C17orf107: variants seen among roughly 807,000 people sequenced by gnomAD.
The protein encoded by C17orf107 is uncharacterized protein C17orf107.
In C17orf107, 9 loss-of-function variants were observed where a neutral mutation model predicts 8.9. That is an observed-to-expected ratio of 1.02 (90% CI 0.61 to 1.77). The LOEUF (loss-of-function observed/expected upper bound fraction) is 1.77. C17orf107 is among the 40% of genes most tolerant of loss of function. C17orf107 has a pLI of 0.00. For synonymous variants in C17orf107, 139 were observed against 120.3 expected, an observed-to-expected ratio of 1.16 and a Z score of -1.02; for missense variants, 281 against 249.0, an observed-to-expected ratio of 1.13 and a Z score of -0.86.
rs764025374 is a variant in C17orf107, at chr17:4,900,433, G to A, written c.473G>A (p.Arg158Gln). ...GGAGCATGGCTATGCCTGTGTGGAC[G>A]GGGTCTGCAGGGGTCTGCCTCATTC... is the stretch of plus-strand genomic sequence containing the variant. ...VQGAWLCLCGRGLQGSASFLR... is the reference protein window; with the variant it reads ...VQGAWLCLCGQGLQGSASFLR... Residue 158 changes from arginine (R) to glutamine (Q), a missense_variant, in exon 3 of 3, where the codon CGG (arginine) becomes CAG (glutamine). By Grantham distance (43) the Arg-to-Gln change is conservative. Coordinates refer to ENST00000381365, the MANE Select transcript of C17orf107 (RefSeq NM_001145536.2). The A allele has an allele frequency of 5.7e-5, 88 of 1,550,762 alleles. No individual in the cohort carries two copies. The highest frequency in any genetic ancestry group is 7.2e-5 in the Non-Finnish European group (83 of 1,146,872).
chr17:4,902,880 T>C lies in C17orf107; in HGVS notation c.*2347T>C. 6.3e-7 allele frequency: 1 copy of C among 1,581,870 alleles called. No individual in the cohort carries two copies. The highest frequency in any genetic ancestry group is 2.2e-5 in the East Asian group (1 of 44,702). ...TGAGGCTGTGTACTATCAGTATCTG[T>C]CTCCTAAACCAATTATGCTGTGCCT... On this transcript the variant is annotated 3_prime_UTR_variant, in exon 3 of 3. Coordinates refer to ENST00000381365, the MANE Select transcript of C17orf107 (RefSeq NM_001145536.2). This position sits in a 1 kb window ranked among gnomAD's most constrained non-coding sequence, Gnocchi z 4.0.
rs2151098767 is a variant in C17orf107, at chr17:4,902,504, G to A, written c.*1971G>A. ...TCTCCTCTTTTTCATTCTGCAGATGGGAGATGGGGATGATTGAAGTGAGAT... is the reference window on the plus strand; with the variant it reads ...TCTCCTCTTTTTCATTCTGCAGATGAGAGATGGGGATGATTGAAGTGAGAT... On this transcript the variant is annotated 3_prime_UTR_variant, in exon 3 of 3. Transcript: ENST00000381365. The surrounding 1 kb of genome is among the most constrained non-coding windows in gnomAD (Gnocchi z 4.0). The A allele has an allele frequency of 6.2e-7, 1 of 1,614,162 alleles. No individual in the cohort carries two copies. Among genetic ancestry groups the A allele is most frequent in the East Asian group, 2.2e-5 (1 of 44,882 alleles).
downstream of C17orf107, among the ~76,000 whole-genome samples, chr17:4,906,083 T>C (rs1970089719): frequency 6.6e-6 from 1 of 152,220 alleles, no homozygotes; most frequent in South Asian, 2.1e-4. Context: ...TCTCGTCACC[T>C]GTGCATCATT....
Position 4,901,884 on chromosome 17 carries a change from G to A in C17orf107, c.*1351G>A. 6.6e-7 allele frequency: 1 copy of A among 1,526,280 alleles called. No individual in the cohort carries two copies. Among genetic ancestry groups the A allele is most frequent in the Non-Finnish European group, 9.0e-7 (1 of 1,111,216 alleles). 94.5% of individuals were successfully genotyped at this position (1,526,280 alleles called of 1,614,324 possible). On this transcript the variant is annotated 3_prime_UTR_variant, in exon 3 of 3. Coordinates refer to ENST00000381365, the MANE Select transcript of C17orf107 (RefSeq NM_001145536.2). ...TTCCCGGTTGGCCCCGCCCCATAAG[G>A]CCCCCCCCCAACAATAATCGTCCGG...
Position 4,901,527 on chromosome 17 carries a change from G to A in C17orf107, c.*994G>A. ...TTCTGAGCAGGCAGGGGCTTCACCAGTATAGGCCTCTGTGTCGATGTCGAT... is the reference window on the plus strand; with the variant it reads ...TTCTGAGCAGGCAGGGGCTTCACCAATATAGGCCTCTGTGTCGATGTCGAT... On this transcript the variant is annotated 3_prime_UTR_variant, in exon 3 of 3. Coordinates refer to ENST00000381365, the MANE Select transcript of C17orf107 (RefSeq NM_001145536.2). 2 of 1,614,032 alleles carry A rather than the reference G, an allele frequency of 1.2e-6. No individual in the cohort carries two copies. The highest frequency in any genetic ancestry group is 1.3e-5 in the African/African-American group (1 of 75,040).
At chr17:4,900,212 G>A (rs946782500) in intron 2 of C17orf107, 25 bp from the exon 3 acceptor site, 17 of 1,544,292 alleles carry the variant, frequency 1.1e-5, no homozygotes, top group South Asian at 3.6e-5. Flanking sequence ...CTGCCTCCCC[G>A]CTAACCCCTG....
At chr17:4,903,831 C>T (rs566564024), downstream of C17orf107, among the ~76,000 whole-genome samples, 2 of 152,264 alleles carry the variant, frequency 1.3e-5, no homozygotes, top group African/African-American at 4.8e-5. Context: ...CCTGATGACA[C>T]CTTAATAGAT....
chr17:4,900,186 G>A (rs1567637767), intron 2 of C17orf107, 41 bp downstream of exon 2: 1 of 1,544,212 alleles, frequency 6.5e-7, no homozygotes, highest in Non-Finnish European at 8.7e-7. Context: ...CGATCGGGTA[G>A]CGGGAACAAG....
chr17:4,899,656 A>T lies in C17orf107; in HGVS notation c.-107A>T, dbSNP rs1170393911. ...GAAGGCGCCGCGCGCTGACCTCACA[A>T]ACACGGCTTCTCCTGGTACGGGCTG... On this transcript the variant is annotated 5_prime_UTR_variant, in exon 1 of 3. Transcript: ENST00000381365. 8 of 1,450,190 alleles carry T rather than the reference A, an allele frequency of 5.5e-6. No individual in the cohort carries two copies. In the Admixed American group the frequency reaches 1.4e-4, roughly 25 times the overall value. 89.8% of individuals were successfully genotyped at this position (1,450,190 alleles called of 1,614,324 possible).
Position 4,901,694 on chromosome 17 carries a change from G to GGAAGCTGGGAT in C17orf107, c.*1162_*1172dup, listed in dbSNP as rs893131841. The stretch of plus-strand genomic sequence containing the variant: ...GGGCCCCGGCCTCAGGCCCAGCCCT[G>GGAAGCTGGGAT]GAAGCTGGGATCTAGCGGGGCCGCG... On this transcript the variant is annotated 3_prime_UTR_variant, in exon 3 of 3. Coordinates refer to ENST00000381365, the MANE Select transcript of C17orf107 (RefSeq NM_001145536.2). The GGAAGCTGGGAT allele has an allele frequency of 3.6e-5, 53 of 1,478,518 alleles. No individual in the cohort carries two copies. Among genetic ancestry groups the GGAAGCTGGGAT allele is most frequent in the Non-Finnish European group, 4.4e-5 (47 of 1,062,934 alleles). The allele number at this position is 1,478,518 out of a possible 1,614,324, so 91.6% of individuals were successfully genotyped here. A position where few individuals can be genotyped will look rare whatever the true frequency, so the allele number is the denominator to read the frequency against.
downstream of C17orf107, among the ~76,000 whole-genome samples, chr17:4,904,005 A>C (rs1311419450): frequency 2.0e-5 from 3 of 151,952 alleles, no homozygotes; most frequent in Non-Finnish European, 2.9e-5. Context: ...CTACAGGCGC[A>C]TGCCACCATG....
downstream of C17orf107, among the ~76,000 whole-genome samples, chr17:4,906,023 C>T (rs1490129774): frequency 6.6e-6 from 1 of 152,216 alleles, no homozygotes; most frequent in Non-Finnish European, 1.5e-5. Flanking sequence ...GTCAGCACTG[C>T]CCATTCCCCC....
In C17orf107 at chr17:4,901,754, G is replaced by A. The variant is rs1969993531; in HGVS notation, c.*1221G>A. On this transcript the variant is annotated 3_prime_UTR_variant, in exon 3 of 3. Transcript: ENST00000381365. ...CCACCCCTTCACCCAAGCCCAGCCC[G>A]CACGCCTCTGTTCCCATCTGTACCT... 4.9e-6 allele frequency: 6 copies of A among 1,233,012 alleles called. No individual in the cohort carries two copies. Among genetic ancestry groups the A allele is most frequent in the Middle Eastern group, 2.7e-4 (1 of 3,722 alleles). 76.4% of individuals were successfully genotyped at this position (1,233,012 alleles called of 1,614,324 possible).
rs748603509 is a variant in C17orf107, at chr17:4,902,424, C to T, written c.*1891C>T. 1.2e-6 allele frequency: 2 copies of T among 1,614,204 alleles called. No homozygotes were observed. The highest frequency in any genetic ancestry group is 2.2e-5 in the South Asian group (2 of 91,088). The stretch of plus-strand genomic sequence containing the variant: ...AAAAGGGGTGCCCTGGACAAGACCT[C>T]ACACCATTCCCCAGATTTGACTCAC... On this transcript the variant is annotated 3_prime_UTR_variant, in exon 3 of 3. Transcript: ENST00000381365. The surrounding 1 kb of genome is among the most constrained non-coding windows in gnomAD (Gnocchi z 4.0).
Position 4,901,197 on chromosome 17 carries a change from G to A in C17orf107, c.*664G>A, listed in dbSNP as rs1298446963. 6 of 1,600,684 alleles carry A rather than the reference G, an allele frequency of 3.7e-6. No individual in the cohort carries two copies. Among genetic ancestry groups the A allele is most frequent in the Non-Finnish European group, 5.1e-6 (6 of 1,177,742 alleles). ...ATGGCCCACTCGCCGTTCTCTGCGG[G>A]ACGGGGGCACGGTCAGCTGGCTGTC... On this transcript the variant is annotated 3_prime_UTR_variant, in exon 3 of 3. Coordinates refer to ENST00000381365, the MANE Select transcript of C17orf107 (RefSeq NM_001145536.2).
Position 4,900,983 on chromosome 17 carries a change from T to G in C17orf107, c.*450T>G, listed in dbSNP as rs756213406. ...GGTTTGGGGGTAGGTTCGGGGCCAC[T>G]GCTTACCCTGCGCCGGCAGGAAGTA... On this transcript the variant is annotated 3_prime_UTR_variant, in exon 3 of 3. Coordinates refer to ENST00000381365, the MANE Select transcript of C17orf107 (RefSeq NM_001145536.2). 6.1e-5 allele frequency: 99 copies of G among 1,613,920 alleles called. No homozygotes were observed. The highest frequency in any genetic ancestry group is 4.9e-4 in the Middle Eastern group (3 of 6,062).
downstream of C17orf107, chr17:4,903,164 G>T: frequency 8.3e-7 from 1 of 1,198,350 alleles, no homozygotes; most frequent in Non-Finnish European, 1.2e-6. Context: ...GTTCCGGGCT[G>T]TTAGGGGACT....
downstream of C17orf107, among the ~76,000 whole-genome samples, chr17:4,903,783 T>C (rs1184605349): frequency 6.6e-6 from 1 of 152,136 alleles, no homozygotes; most frequent in Non-Finnish European, 1.5e-5. Context: ...CTTCCCATCC[T>C]ACTCTCCTAA....
At chr17:4,903,920 T>C (rs938910767), downstream of C17orf107, among the ~76,000 whole-genome samples, 2 of 152,154 alleles carry the variant, frequency 1.3e-5, no homozygotes, top group African/African-American at 2.4e-5. Context: ...TGCAGTGGCA[T>C]GATCTCGGCT....
Sources: allele counts gnomAD v4.1 joint callset (sites outside exome capture counted in the v4.1 genomes callset), GRCh38; gene constraint gnomAD v4.1.1; non-coding constraint Gnocchi (gnomAD v3.1); transcripts MANE v1.5; gene names NCBI Gene and HGNC (gene_info 2026-07-23, HGNC 2026-07-21).